The following CEP63 variants were observed in gnomAD, a reference collection of about 807,000 sequenced individuals.
CEP63 encodes centrosomal protein 63, also known as centrosomal protein of 63 kDa.
A neutral mutation model predicts 89.1 loss-of-function variants in CEP63; 84 were observed. The observed-to-expected ratio is 0.94, with a 90% confidence interval of 0.79 to 1.13. The LOEUF (loss-of-function observed/expected upper bound fraction) is 1.13, where lower values mean the gene tolerates loss of function less well. CEP63 is among the 50% of genes most tolerant of loss of function. The probability of loss-of-function intolerance (pLI) is 0.00; values close to 1 mark genes in which losing one functional copy is unlikely to be tolerated. For synonymous variants in CEP63, 267 were observed against 272.5 expected (o/e 0.98, Z 0.20); for missense variants, 838 against 813.3 (o/e 1.03, Z -0.37).
intron 10 of CEP63, among the ~76,000 whole-genome samples, chr3:134,583,001 C>T (rs2110334968): frequency 6.6e-6 from 1 of 152,258 alleles, no homozygotes; most frequent in Non-Finnish European, 1.5e-5. Flanking sequence ...CTGTTCATAT[C>T]CTTTGCCCAC....
At chr3:134,567,358 T>G (rs1351863979), downstream of CEP63, among the ~76,000 whole-genome samples, 2 of 151,688 alleles carry the variant, frequency 1.3e-5, no homozygotes, top group Non-Finnish European at 2.9e-5. Context: ...GTTCTAAAAT[T>G]GATTGTGATG....
chr3:134,696,825 T>C, the CEP63 span, among the ~76,000 whole-genome samples: 3 of 152,260 alleles, frequency 2.0e-5, no homozygotes, highest in African/African-American at 7.2e-5. Flanking sequence ...ATGATATGGA[T>C]GTGACATACT....
At chr3:134,529,231 A>G (rs1949355886) in intron 3 of CEP63, among the ~76,000 whole-genome samples, 1 of 151,974 alleles carries the variant, frequency 6.6e-6, no homozygotes, top group African/African-American at 2.4e-5. Context: ...TAATGTTTGC[A>G]TATTTTATTA....
chr3:134,675,863 T>TA, the CEP63 span, among the ~76,000 whole-genome samples: 1 of 152,092 alleles, frequency 6.6e-6, no homozygotes, highest in Non-Finnish European at 1.5e-5. Flanking sequence ...GTATACGTAA[T>TA]AAAAAAGATA....
chr3:134,777,137 T>G, the CEP63 span, among the ~76,000 whole-genome samples: 68 of 152,316 alleles, frequency 4.5e-4, no homozygotes, highest in African/African-American at 1.5e-3. Flanking sequence ...TCAGTGAAGG[T>G]GTTAAAAAAG....
At chr3:134,488,336 G>C (rs762281798) in intron 1 of CEP63, among the ~76,000 whole-genome samples, 1 of 152,136 alleles carries the variant, frequency 6.6e-6, no homozygotes, top group South Asian at 2.1e-4. Context: ...GTGGTTGGCC[G>C]GGCGCGGTGA....
chr3:134,591,391 G>A (rs1958592546), downstream of CEP63, among the ~76,000 whole-genome samples: 1 of 152,180 alleles, frequency 6.6e-6, no homozygotes, highest in Non-Finnish European at 1.5e-5. Context: ...ACAATCCTGG[G>A]AAATTCATTG....
chr3:134,538,196 G>A (rs1157748597), intron 6 of CEP63, among the ~76,000 whole-genome samples: 1 of 96,640 alleles, frequency 1.0e-5, no homozygotes, highest in Non-Finnish European at 2.2e-5. Flanking sequence ...CTAGAAGGGA[G>A]GGTTTTTTTT....
chr3:134,583,364 T>A (rs928418472), intron 10 of CEP63, among the ~76,000 whole-genome samples: 2 of 152,186 alleles, frequency 1.3e-5, no homozygotes, highest in African/African-American at 4.8e-5. Context: ...GTCTAAGGTG[T>A]AAGGAAGGGA....
At chr3:134,722,925 G>A in the CEP63 span, among the ~76,000 whole-genome samples, 6 of 152,200 alleles carry the variant, frequency 3.9e-5, no homozygotes, top group South Asian at 1.0e-3. Flanking sequence ...CAGAGCAAAA[G>A]CTGATAGCAT....
At chr3:134,621,712 A>T in the CEP63 span, among the ~76,000 whole-genome samples, 6 of 152,240 alleles carry the variant, frequency 3.9e-5, no homozygotes, top group Non-Finnish European at 8.8e-5. Flanking sequence ...AAAAACAGAT[A>T]AAAGGGCATT....
At chr3:134,544,602 A>G (rs991941208) in intron 6 of CEP63, among the ~76,000 whole-genome samples, 1 of 144,518 alleles carries the variant, frequency 6.9e-6, no homozygotes, top group Non-Finnish European at 1.5e-5. Context: ...AATGTTTATA[A>G]TGTTAAAACA....
downstream of CEP63, among the ~76,000 whole-genome samples, chr3:134,590,015 A>T: frequency 6.6e-6 from 1 of 152,192 alleles, no homozygotes; most frequent in East Asian, 1.9e-4. Flanking sequence ...CAAATATCAC[A>T]TGTTATCACT....
At chr3:134,571,920 G>A (rs901189104) in intron 11 of CEP63, among the ~76,000 whole-genome samples, 1 of 152,198 alleles carries the variant, frequency 6.6e-6, no homozygotes, top group Non-Finnish European at 1.5e-5. Context: ...ATTGTAATGA[G>A]CTATGAAAAT....
intron 3 of CEP63, among the ~76,000 whole-genome samples, chr3:134,522,469 A>T (rs1043796760): frequency 3.3e-5 from 5 of 152,080 alleles, no homozygotes; most frequent in Non-Finnish European, 5.9e-5. Context: ...TCTTTTTTTA[A>T]AATTTAAATT....
At chr3:134,769,656 G>T in the CEP63 span, among the ~76,000 whole-genome samples, 9 of 152,222 alleles carry the variant, frequency 5.9e-5, no homozygotes, top group Non-Finnish European at 1.5e-5. Flanking sequence ...CTTGATGTTA[G>T]TGATTGTTCT....
intron 2 of CEP63, among the ~76,000 whole-genome samples, chr3:134,496,736 G>T (rs1299654013): frequency 2.6e-5 from 4 of 152,254 alleles, no homozygotes; most frequent in Middle Eastern, 6.8e-3. Flanking sequence ...GGTCCCTGTG[G>T]GCATGATGTC....
chr3:134,543,247 A>T (rs1184678305), intron 6 of CEP63, among the ~76,000 whole-genome samples: 1 of 152,222 alleles, frequency 6.6e-6, no homozygotes, highest in African/African-American at 2.4e-5. Flanking sequence ...TGAAATCTTC[A>T]ACTGAATTTG....
At position 134,564,343 on chromosome 3, in the gene CEP63, T is replaced by C; in HGVS notation, c.*2808T>C. ...CCTCTTCCCACACCCTGTCATGTGCTCCTAAAACTCCCCCTTTACTTGGCT... is the reference window on the plus strand; with the variant it reads ...CCTCTTCCCACACCCTGTCATGTGCCCCTAAAACTCCCCCTTTACTTGGCT... On this transcript the variant is annotated 3_prime_UTR_variant, in exon 15 of 15. Transcript: ENST00000675561. 1 of 985,488 alleles carries C rather than the reference T, an allele frequency of 1.0e-6. No individual in the cohort carries two copies. Among genetic ancestry groups the C allele is most frequent in the Non-Finnish European group, 1.2e-6 (1 of 829,978 alleles). The allele number at this position is 985,488 out of a possible 1,614,324, so 61.0% of individuals were successfully genotyped here. A position where few individuals can be genotyped will look rare whatever the true frequency, so the allele number is the denominator to read the frequency against.
Sources: gnomAD v4.1 joint callset for allele counts (sites outside exome capture counted in the v4.1 genomes callset) on GRCh38, gnomAD v4.1.1 for gene constraint, MANE v1.5 for transcripts, NCBI Gene and HGNC (gene_info 2026-07-23, HGNC 2026-07-21) for gene names.